The following SSBP2 variants were observed in gnomAD, a reference collection of about 807,000 sequenced individuals.
SSBP2 encodes single-stranded DNA-binding protein 2.
Under a neutral mutation model 61.8 loss-of-function variants are expected in SSBP2, and 17 were observed. The observed-to-expected ratio is 0.28, with a 90% CI of 0.19 to 0.41. SSBP2 has a LOEUF of 0.41. SSBP2 is among the 10% of genes least tolerant of loss of function. The pLI, the probability that SSBP2 is intolerant of heterozygous loss-of-function variation, is 1.00. For synonymous variants in SSBP2, 139 were observed against 141.3 expected (o/e 0.98, Z 0.12); for missense variants, 310 against 458.7 (o/e 0.68, Z 2.96).
Position 81,593,644 on chromosome 5 carries a change from C to T in SSBP2, c.282+21829G>A, listed in dbSNP as rs561667846. ...CCCATCAGACTAATAGCGGATCTCT[C>T]GGCAGAAACTCTACAAGCCAGAAGA... On this transcript the variant is annotated intron_variant, in intron 4 of 16. Coordinates refer to ENST00000320672, the MANE Select transcript of SSBP2 (RefSeq NM_012446.5). Among the ~76,000 whole-genome samples the T allele has an allele frequency of 9.9e-3, 1,508 of 152,224 alleles. 7 individuals are homozygous for T. Among genetic ancestry groups the T allele is most frequent in the Non-Finnish European group, 0.017 (1,169 of 68,004 alleles).
rs1290262647 is a variant in SSBP2 at position 81,655,319 on chromosome 5, CAG to C, written c.63-4982_63-4981del. ...GAAATTTAAGTACTTTATTAAAATA[CAG>C]AGTGGCTATTTAGCAGAGTAGCTAA... On this transcript the variant is annotated intron_variant, in intron 1 of 16. Transcript: ENST00000320672. Among the ~76,000 whole-genome samples the C allele has an allele frequency of 2.0e-5, 3 of 151,994 alleles. No homozygotes were observed. In the East Asian group the frequency reaches 5.8e-4, roughly 29 times the overall value.
chr5:81,523,105 C>T (rs1769620360), intron 4 of SSBP2, among the ~76,000 whole-genome samples: 1 of 151,894 alleles, frequency 6.6e-6, no homozygotes, highest in African/African-American at 2.4e-5. Flanking sequence ...CTGGTGATTT[C>T]TACAAAAGGC....
At chr5:81,652,560 G>A (rs906738519) in intron 1 of SSBP2, among the ~76,000 whole-genome samples, 1 of 152,052 alleles carries the variant, frequency 6.6e-6, no homozygotes, top group Non-Finnish European at 1.5e-5. Context: ...TGATGAAGTG[G>A]GATCCGGCTG....
At chr5:81,601,646 A>T (rs1419752201) in intron 4 of SSBP2, among the ~76,000 whole-genome samples, 1 of 152,166 alleles carries the variant, frequency 6.6e-6, no homozygotes, top group Non-Finnish European at 1.5e-5. Flanking sequence ...AAAACATGTC[A>T]ATCCGGCAGA....
intron 4 of SSBP2, among the ~76,000 whole-genome samples, chr5:81,525,140 T>C (rs1303314889): frequency 1.3e-5 from 2 of 151,982 alleles, no homozygotes; most frequent in Admixed American, 1.3e-4. Flanking sequence ...TCGGTTCCCA[T>C]CCAACTGGAT....
At chr5:81,536,660 C>A (rs560190872) in intron 4 of SSBP2, among the ~76,000 whole-genome samples, 1 of 152,228 alleles carries the variant, frequency 6.6e-6, no homozygotes, top group African/African-American at 2.4e-5. Flanking sequence ...CAAACAAGAT[C>A]TTTTTAAAAA....
intron 4 of SSBP2, among the ~76,000 whole-genome samples, chr5:81,596,986 A>C (rs1426185630): frequency 6.6e-6 from 1 of 151,828 alleles, no homozygotes; most frequent in Admixed American, 6.6e-5. Context: ...AAAATTGACA[A>C]ATGGGATCTA....
chr5:81,473,301 A>G (rs1765371244), intron 8 of SSBP2, among the ~76,000 whole-genome samples: 1 of 152,168 alleles, frequency 6.6e-6, no homozygotes. Context: ...TAGGTTTGTT[A>G]CATAGGTATA....
At chr5:81,677,507 A>T (rs1752073249) in intron 1 of SSBP2, among the ~76,000 whole-genome samples, 1 of 152,138 alleles carries the variant, frequency 6.6e-6, no homozygotes, top group South Asian at 2.1e-4. Flanking sequence ...CTCAGCGTGG[A>T]CAAGTCCAAG....
chr5:81,572,513 G>T (rs1028868902), intron 4 of SSBP2, among the ~76,000 whole-genome samples: 1 of 152,230 alleles, frequency 6.6e-6, no homozygotes, highest in Middle Eastern at 3.4e-3. Flanking sequence ...TTACAAATCT[G>T]CAAATAAATT....
chr5:81,483,754 C>A lies in SSBP2; in HGVS notation c.432+5496G>T, dbSNP rs576292297. 4.6e-5 allele frequency among the ~76,000 whole-genome samples: 7 copies of A among 150,784 alleles called. No homozygotes were observed. In the East Asian group the frequency reaches 1.4e-3, roughly 29 times the overall value. On this transcript the variant is annotated intron_variant, in intron 6 of 16. Coordinates refer to ENST00000320672, the MANE Select transcript of SSBP2 (RefSeq NM_012446.5). ...CCCTATAGCACAACTCACCATTTGACATATATATATACACACACACACACA... is the reference window on the plus strand; with the variant it reads ...CCCTATAGCACAACTCACCATTTGAAATATATATATACACACACACACACA...
At chr5:81,541,735 TG>T (rs1561520349) in intron 4 of SSBP2, among the ~76,000 whole-genome samples, 1 of 152,210 alleles carries the variant, frequency 6.6e-6, no homozygotes, top group African/African-American at 2.4e-5. Flanking sequence ...AGAATGAAAC[TG>T]GGCCCCTACC....
At chr5:81,658,295 A>C (rs1037838960) in intron 1 of SSBP2, among the ~76,000 whole-genome samples, 3 of 152,064 alleles carry the variant, frequency 2.0e-5, no homozygotes, top group Non-Finnish European at 4.4e-5. Flanking sequence ...CATACAACTG[A>C]GCCTCCTTAT....
intron 3 of SSBP2, among the ~76,000 whole-genome samples, chr5:81,634,543 A>AT (rs1408708861): frequency 6.6e-6 from 1 of 152,138 alleles, no homozygotes; most frequent in Non-Finnish European, 1.5e-5. Flanking sequence ...ATCTTTTCAA[A>AT]TTTTTTACAG....
At chr5:81,703,949 G>A (rs420202) in intron 1 of SSBP2, among the ~76,000 whole-genome samples, 84,255 of 152,006 alleles carry the variant, frequency 0.55, 25,052 homozygotes, top group African/African-American at 0.73. Flanking sequence ...AAATGGGTAA[G>A]TCAAAGACAT....
intron 1 of SSBP2, among the ~76,000 whole-genome samples, chr5:81,669,806 A>G (rs1266440328): frequency 6.6e-6 from 1 of 152,134 alleles, no homozygotes; most frequent in African/African-American, 2.4e-5. Flanking sequence ...TGAAGAAAAA[A>G]AGAAGGCAGA....
chr5:81,481,914 T>C (rs187473845), intron 6 of SSBP2, among the ~76,000 whole-genome samples: 13 of 152,108 alleles, frequency 8.5e-5, no homozygotes, highest in African/African-American at 3.1e-4. Flanking sequence ...TGTTGTTCCA[T>C]TTATAAAAGA....
At chr5:81,670,338 A>C (rs564304079) in intron 1 of SSBP2, among the ~76,000 whole-genome samples, 9 of 152,178 alleles carry the variant, frequency 5.9e-5, no homozygotes, top group Admixed American at 5.9e-4. Context: ...ATTTATTTTA[A>C]AAGTTATTAC....
intron 1 of SSBP2, among the ~76,000 whole-genome samples, chr5:81,662,050 G>A (rs774962710): frequency 8.0e-4 from 121 of 152,136 alleles, no homozygotes; most frequent in Non-Finnish European, 1.0e-3. Flanking sequence ...ATTTCATTCT[G>A]CATGCAAATA....
Sources: gnomAD v4.1 joint callset for allele counts (sites outside exome capture counted in the v4.1 genomes callset) on GRCh38, gnomAD v4.1.1 for gene constraint, MANE v1.5 for transcripts, NCBI Gene and HGNC (gene_info 2026-07-23, HGNC 2026-07-21) for gene names.